VPS41: variants seen among roughly 807,000 people sequenced by gnomAD.
VPS41 encodes the protein vacuolar protein sorting-associated protein 41 homolog.
In VPS41, 85 loss-of-function variants were observed where a neutral mutation model predicts 130.9. The observed-to-expected ratio is 0.65, with a 90% confidence interval of 0.55 to 0.78. The LOEUF (loss-of-function observed/expected upper bound fraction) is 0.78, where lower values mean the gene tolerates loss of function less well. VPS41 is among the 30% of genes least tolerant of loss of function. The pLI, the probability that VPS41 is intolerant of heterozygous loss-of-function variation, is 0.00. For synonymous variants in VPS41, 335 were observed against 332.9 expected, an observed-to-expected ratio of 1.01 and a Z score of -0.07; for missense variants, 874 against 1,018.7, an observed-to-expected ratio of 0.86 and a Z score of 1.93.
intron 5 of VPS41, among the ~76,000 whole-genome samples, chr7:38,821,706 CAA>C (rs10669199): frequency 2.6e-5 from 3 of 117,534 alleles, no homozygotes; most frequent in Non-Finnish European, 3.4e-5. Flanking sequence ...GACTCCGTCT[CAA>C]AAAAAAAAAA....
At chr7:38,885,980 T>C (rs569078578) in intron 2 of VPS41, among the ~76,000 whole-genome samples, 3 of 152,078 alleles carry the variant, frequency 2.0e-5, no homozygotes, top group East Asian at 3.9e-4. Context: ...AGAGAATGTA[T>C]ACCCTCTGAA....
intron 10 of VPS41, among the ~76,000 whole-genome samples, chr7:38,778,008 C>T (rs778754687): frequency 6.6e-6 from 1 of 152,152 alleles, no homozygotes; most frequent in African/African-American, 2.4e-5. Flanking sequence ...TTTAATGATC[C>T]TCCTTACGCA....
At chr7:38,891,741 C>T (rs963370787) in intron 2 of VPS41, among the ~76,000 whole-genome samples, 2 of 152,010 alleles carry the variant, frequency 1.3e-5, no homozygotes, top group Non-Finnish European at 2.9e-5. Flanking sequence ...AAATTAATGC[C>T]ATTAATCAAG....
chr7:38,799,668 A>G (rs1784688552), intron 7 of VPS41, among the ~76,000 whole-genome samples: 1 of 152,218 alleles, frequency 6.6e-6, no homozygotes, highest in South Asian at 2.1e-4. Flanking sequence ...GTCCAAAAAA[A>G]TCCAAAGGGA....
intron 25 of VPS41, among the ~76,000 whole-genome samples, chr7:38,731,326 G>T (rs1333997850): frequency 1.3e-5 from 2 of 152,128 alleles, no homozygotes; most frequent in Non-Finnish European, 2.9e-5. Flanking sequence ...CATAGGACAA[G>T]GCATTATGTT....
intron 7 of VPS41, among the ~76,000 whole-genome samples, chr7:38,800,600 G>A (rs185141210): frequency 1.3e-4 from 20 of 152,258 alleles, no homozygotes; most frequent in African/African-American, 4.8e-4. Flanking sequence ...TTGGGAGGCC[G>A]AGGTGGGTGG....
intron 19 of VPS41, 146 bp from the exon 20 acceptor site, chr7:38,755,082 T>C: frequency 1.5e-6 from 1 of 663,724 alleles, no homozygotes. Context: ...CAATGGCTCT[T>C]ATGGAAAATG....
intron 6 of VPS41, 132 bp from the exon 7 acceptor site, chr7:38,818,014 AT>A: frequency 1.5e-6 from 1 of 686,322 alleles, no homozygotes; most frequent in African/African-American, 1.8e-5. Context: ...ATATATTCAA[AT>A]CATATTTTAC....
intron 14 of VPS41, among the ~76,000 whole-genome samples, chr7:38,768,993 C>T (rs897662459): frequency 6.6e-6 from 1 of 152,158 alleles, no homozygotes; most frequent in Non-Finnish European, 1.5e-5. Flanking sequence ...ATAATCTATA[C>T]TCAGAACCGT....
At chr7:38,738,448 A>C (rs114544008) in intron 25 of VPS41, among the ~76,000 whole-genome samples, 1,866 of 152,316 alleles carry the variant, frequency 0.012, 55 homozygotes, top group African/African-American at 0.042. Flanking sequence ...ATGTTTGTCA[A>C]ATAAAACCGT....
chr7:38,850,274 T>G (rs1329336104), intron 4 of VPS41, among the ~76,000 whole-genome samples: 1 of 152,238 alleles, frequency 6.6e-6, no homozygotes, highest in African/African-American at 2.4e-5. Context: ...TCCCTTATTA[T>G]TCTGTGTTAC....
chr7:38,739,095 C>CT (rs1795829646), intron 25 of VPS41, among the ~76,000 whole-genome samples: 1 of 152,204 alleles, frequency 6.6e-6, no homozygotes. Flanking sequence ...GCTGTATACT[C>CT]TATTGTCAAT....
At position 38,771,256 on chromosome 7, in the gene VPS41, T is replaced by C. The variant is rs192458411; in HGVS notation, c.1129-2A>G. The C allele has an allele frequency of 1.3e-6, 2 of 1,590,704 alleles. No homozygotes were observed. Among genetic ancestry groups the C allele is most frequent in the East Asian group, 4.5e-5 (2 of 44,464 alleles). ...AATTTCAGCTGCCATCAATGCTTCC[T>C]TTATTCCAAACATAAGGATGATTTA... On this transcript the variant is annotated splice_acceptor_variant, in intron 13 of 28. Transcript: ENST00000310301. LOFTEE classifies it high-confidence loss of function.
intron 1 of VPS41, among the ~76,000 whole-genome samples, chr7:38,907,292 T>C (rs1285320688): frequency 6.6e-6 from 1 of 152,186 alleles, no homozygotes; most frequent in African/African-American, 2.4e-5. Flanking sequence ...GATAGGAACC[T>C]GCCTGGCTTT....
intron 2 of VPS41, among the ~76,000 whole-genome samples, chr7:38,882,516 C>T (rs1786635322): frequency 6.6e-6 from 1 of 152,150 alleles, no homozygotes; most frequent in African/African-American, 2.4e-5. Context: ...ACCTCCAGTC[C>T]AGACTTGAAC....
chr7:38,899,842 T>C (rs148546311), intron 1 of VPS41, among the ~76,000 whole-genome samples: 1,555 of 152,350 alleles, frequency 0.01, 6 homozygotes, highest in Non-Finnish European at 0.014. Flanking sequence ...TGAGTACTCT[T>C]TCAGGAAAAT....
chr7:38,888,793 A>G (rs1381052681), intron 2 of VPS41, among the ~76,000 whole-genome samples: 1 of 152,214 alleles, frequency 6.6e-6, no homozygotes, highest in Non-Finnish European at 1.5e-5. Flanking sequence ...ACTCCTCAGC[A>G]AATGTAAAAG....
rs1295705885 is a variant in VPS41, at chr7:38,898,148, GA to G, written c.22-20del. 37 of 1,607,570 alleles carry G rather than the reference GA, an allele frequency of 2.3e-5. No individual in the cohort carries two copies. Among genetic ancestry groups the G allele is most frequent in the Non-Finnish European group, 3.2e-5 (37 of 1,174,318 alleles). ...CAGTTTCCTATAAAGCATAGAAAAA[GA>G]AAATGGTCAGAAGAGATGATAAAAG... is the stretch of plus-strand genomic sequence containing the variant. On this transcript the variant is annotated intron_variant, in intron 1 of 28. Coordinates refer to ENST00000310301, the MANE Select transcript of VPS41 (RefSeq NM_014396.4).
intron 25 of VPS41, among the ~76,000 whole-genome samples, chr7:38,735,608 T>A (rs1051094914): frequency 5.9e-5 from 9 of 152,166 alleles, no homozygotes; most frequent in African/African-American, 2.2e-4. Flanking sequence ...GAAACATCAA[T>A]TTAGATCATG....
Sources: gnomAD v4.1 joint callset for allele counts (sites outside exome capture counted in the v4.1 genomes callset) on GRCh38, gnomAD v4.1.1 for gene constraint, MANE v1.5 for transcripts, NCBI Gene and HGNC (gene_info 2026-07-23, HGNC 2026-07-21) for gene names.